Variants in LRP1B observed in about 807,000 individuals in gnomAD.
LRP1B encodes the protein low-density lipoprotein receptor-related protein 1B.
A neutral mutation model predicts 556.6 loss-of-function variants in LRP1B; 217 were observed. The ratio of observed to expected loss-of-function variants is 0.39; its 90% CI spans 0.35 to 0.44. The LOEUF (loss-of-function observed/expected upper bound fraction) is 0.44, where lower values mean the gene tolerates loss of function less well. Among genes scored for constraint, LRP1B ranks in the 20% least tolerant of loss-of-function variants. The probability of loss-of-function intolerance (pLI) is 1.00; values close to 1 mark genes in which losing one functional copy is unlikely to be tolerated. For synonymous variants in LRP1B, 2,047 were observed against 1,865.8 expected (o/e 1.10, Z -2.50); for missense variants, 5,053 against 5,620.8 (o/e 0.90, Z 3.23).
At chr2:140,237,689 G>A (rs1253236644) in intron 89 of LRP1B, among the ~76,000 whole-genome samples, 1 of 150,658 alleles carries the variant, frequency 6.6e-6, no homozygotes, top group East Asian at 2.0e-4. Flanking sequence ...AGCTGTGCAT[G>A]TATTGGTCTT....
chr2:141,967,867 A>C (rs1701605483), intron 1 of LRP1B, among the ~76,000 whole-genome samples: 1 of 151,888 alleles, frequency 6.6e-6, no homozygotes. Context: ...GTTTGGTAAC[A>C]AGAATTAAGA....
chr2:141,250,927 A>T (rs1684237304), intron 4 of LRP1B, among the ~76,000 whole-genome samples: 1 of 152,208 alleles, frequency 6.6e-6, no homozygotes, highest in Non-Finnish European at 1.5e-5. Context: ...TAAGGGTTTC[A>T]ATATAGGGAT....
chr2:140,432,839 A>C (rs1686011670), intron 66 of LRP1B, among the ~76,000 whole-genome samples: 1 of 152,216 alleles, frequency 6.6e-6, no homozygotes, highest in African/African-American at 2.4e-5. Flanking sequence ...ACTGTGATTA[A>C]TTGAAATTAG....
chr2:141,086,520 C>T (rs1376585235), intron 7 of LRP1B, among the ~76,000 whole-genome samples: 5 of 151,768 alleles, frequency 3.3e-5, no homozygotes, highest in Non-Finnish European at 5.9e-5. Context: ...TTACATAACA[C>T]AAGGCCCAAT....
intron 2 of LRP1B, among the ~76,000 whole-genome samples, chr2:141,664,669 A>G (rs1690353298): frequency 1.3e-5 from 2 of 152,138 alleles, no homozygotes; most frequent in South Asian, 2.1e-4. Flanking sequence ...GACTTCTTCA[A>G]GAAGAACCAC....
chr2:140,628,936 C>G (rs1192648816), intron 41 of LRP1B, among the ~76,000 whole-genome samples: 2 of 152,144 alleles, frequency 1.3e-5, no homozygotes, highest in African/African-American at 2.4e-5. Context: ...TCCTCTTCAC[C>G]TTCTACCATG....
chr2:141,228,596 T>TGTGA (rs1683344679), intron 6 of LRP1B, among the ~76,000 whole-genome samples: 1 of 151,618 alleles, frequency 6.6e-6, no homozygotes, highest in Middle Eastern at 3.4e-3. Context: ...TGTGTGTGTG[T>TGTGA]GTGTGTGTGT....
intron 23 of LRP1B, 122 bp from the exon 24 acceptor site, chr2:140,886,457 C>T: frequency 1.7e-6 from 1 of 585,114 alleles, no homozygotes; most frequent in East Asian, 3.1e-5. Context: ...CTTAAAACAG[C>T]AATTTCTTTT....
chr2:142,036,856 G>T (rs1703899600), intron 1 of LRP1B, among the ~76,000 whole-genome samples: 2 of 151,506 alleles, frequency 1.3e-5, no homozygotes, highest in Non-Finnish European at 3.0e-5. Context: ...CTAATAAAAG[G>T]CAAAAATAAA....
In LRP1B at chr2:140,725,631, A is replaced by G. The variant is rs565652858; in HGVS notation, c.5759-8815T>C. On this transcript the variant is annotated intron_variant, in intron 35 of 90. Transcript: ENST00000389484. ...GCACACCAACATGACATATGTATAC[A>G]TATGTAACAAACCTGCACATTGTGC... 1.5e-3 allele frequency among the ~76,000 whole-genome samples: 224 copies of G among 152,036 alleles called. 2 individuals carry two copies. Among genetic ancestry groups the G allele is most frequent in the African/African-American group, 5.3e-3 (218 of 41,520 alleles).
intron 1 of LRP1B, among the ~76,000 whole-genome samples, chr2:141,850,362 G>A (rs1182145142): frequency 6.6e-6 from 1 of 151,556 alleles, no homozygotes; most frequent in Non-Finnish European, 1.5e-5. Context: ...TGTGATCTTT[G>A]CTTTGTGACA....
At chr2:140,397,949 CTAATG>C (rs1456721237) in intron 66 of LRP1B, among the ~76,000 whole-genome samples, 2 of 152,030 alleles carry the variant, frequency 1.3e-5, no homozygotes, top group Non-Finnish European at 2.9e-5. Context: ...TAGGTGCAAT[CTAATG>C]TATTTGTTAT....
chr2:140,477,044 T>A (rs1462646256), intron 59 of LRP1B, among the ~76,000 whole-genome samples: 1 of 152,072 alleles, frequency 6.6e-6, no homozygotes, highest in East Asian at 1.9e-4. Context: ...GTGAAATACA[T>A]CTTCTAAGAA....
At chr2:141,257,322 G>T (rs912180149) in intron 3 of LRP1B, among the ~76,000 whole-genome samples, 1 of 152,118 alleles carries the variant, frequency 6.6e-6, no homozygotes, top group Non-Finnish European at 1.5e-5. Flanking sequence ...AATTCATGTA[G>T]TCTCTACCTT....
chr2:141,810,496 A>G (rs909201538), intron 1 of LRP1B, 95 bp from the exon 2 acceptor site: 22 of 1,262,624 alleles, frequency 1.7e-5, no homozygotes, highest in Non-Finnish European at 2.4e-5. Flanking sequence ...CAATACATAA[A>G]AGGTACATGA....
intron 88 of LRP1B, 112 bp from the exon 89 acceptor site, chr2:140,238,408 G>T (rs1185423179): frequency 1.4e-5 from 8 of 571,554 alleles, no homozygotes; most frequent in African/African-American, 1.2e-4. Flanking sequence ...TTGAATAAAT[G>T]ACATTTGTCA....
chr2:140,703,953 G>T (rs1686737012), intron 37 of LRP1B, among the ~76,000 whole-genome samples: 1 of 152,160 alleles, frequency 6.6e-6, no homozygotes, highest in African/African-American at 2.4e-5. Context: ...GTGAAAAGCA[G>T]GGTGATGGAC....
intron 77 of LRP1B, among the ~76,000 whole-genome samples, chr2:140,350,000 T>C (rs1022801718): frequency 6.6e-6 from 1 of 152,128 alleles, no homozygotes; most frequent in African/African-American, 2.4e-5. Context: ...TGAGAACTTC[T>C]AGATAGGAAC....
intron 2 of LRP1B, among the ~76,000 whole-genome samples, chr2:141,801,038 T>A (rs1038004486): frequency 2.2e-4 from 34 of 152,270 alleles, no homozygotes; most frequent in African/African-American, 7.9e-4. Flanking sequence ...GTAACAAAAT[T>A]CTGCAAAAGC....
Sources: allele counts gnomAD v4.1 joint callset (sites outside exome capture counted in the v4.1 genomes callset), GRCh38; gene constraint gnomAD v4.1.1; transcripts MANE v1.5; gene names NCBI Gene and HGNC (gene_info 2026-07-23, HGNC 2026-07-21).